Variants in MAST4 observed in about 807,000 individuals in gnomAD.
The protein encoded by MAST4 is microtubule associated serine/threonine kinase family member 4.
In MAST4, 89 loss-of-function variants were observed where a neutral mutation model predicts 162.7. That is an observed-to-expected ratio of 0.55 (90% CI 0.46 to 0.65). MAST4 has a LOEUF of 0.65. MAST4 is among the 30% of genes least tolerant of loss of function. The pLI, the probability that MAST4 is intolerant of heterozygous loss-of-function variation, is 0.00. For synonymous variants in MAST4, 1,479 were observed against 1,361.1 expected, an observed-to-expected ratio of 1.09 and a Z score of -1.91; for missense variants, 3,153 against 3,374.0, an observed-to-expected ratio of 0.93 and a Z score of 1.62.
At chr5:66,984,980 T>A (rs1273987806) in intron 4 of MAST4, among the ~76,000 whole-genome samples, 2 of 152,226 alleles carry the variant, frequency 1.3e-5, no homozygotes, top group East Asian at 3.9e-4. Flanking sequence ...TAAGGAGAAG[T>A]TAGGTCTGGA....
intron 4 of MAST4, among the ~76,000 whole-genome samples, chr5:66,928,852 A>G (rs1765094328): frequency 6.6e-6 from 1 of 152,214 alleles, no homozygotes; most frequent in Non-Finnish European, 1.5e-5. Flanking sequence ...TTGCCCGCTC[A>G]GTAGTGGTGT....
chr5:66,962,880 T>C (rs1746185373), intron 4 of MAST4, among the ~76,000 whole-genome samples: 1 of 152,176 alleles, frequency 6.6e-6, no homozygotes, highest in Non-Finnish European at 1.5e-5. Flanking sequence ...ACTCCATGCT[T>C]TAATAGATCT....
At chr5:66,972,191 A>G (rs1244769815) in intron 4 of MAST4, among the ~76,000 whole-genome samples, 1 of 152,172 alleles carries the variant, frequency 6.6e-6, no homozygotes. Context: ...CCTTTGTATC[A>G]AGGATGTTGC....
chr5:66,649,293 C>T (rs137917895), intron 1 of MAST4, among the ~76,000 whole-genome samples: 2 of 152,262 alleles, frequency 1.3e-5, no homozygotes, highest in African/African-American at 2.4e-5. Context: ...ATGGATAAAG[C>T]ATCAAATGAG....
At chr5:67,089,235 C>T (rs1049621882) in intron 5 of MAST4, among the ~76,000 whole-genome samples, 1 of 152,226 alleles carries the variant, frequency 6.6e-6, no homozygotes, top group Non-Finnish European at 1.5e-5. Context: ...TCAGACAATT[C>T]CGCCAATCTA....
At chr5:66,787,442 T>C (rs958767074) in intron 2 of MAST4, among the ~76,000 whole-genome samples, 6 of 152,242 alleles carry the variant, frequency 3.9e-5, no homozygotes, top group African/African-American at 1.2e-4. Context: ...TTGACTTAAA[T>C]AAAGCAGTGG....
At chr5:66,847,506 C>T (rs746157543) in intron 3 of MAST4, among the ~76,000 whole-genome samples, 7 of 152,074 alleles carry the variant, frequency 4.6e-5, no homozygotes, top group Admixed American at 2.0e-4. Context: ...TGGTAGTGGA[C>T]GCCTGTAATT....
At chr5:66,727,131 A>T (rs1292921389) in intron 1 of MAST4, among the ~76,000 whole-genome samples, 2 of 151,060 alleles carry the variant, frequency 1.3e-5, no homozygotes, top group African/African-American at 2.5e-5. Context: ...GATGAAGATG[A>T]AGAAGAGTCA....
intron 1 of MAST4, among the ~76,000 whole-genome samples, chr5:66,673,617 C>A (rs557199245): frequency 1.3e-5 from 2 of 150,874 alleles, no homozygotes; most frequent in African/African-American, 4.9e-5. Context: ...ACTTCCACCT[C>A]CTGAGTAGGT....
intron 4 of MAST4, among the ~76,000 whole-genome samples, chr5:67,035,813 C>T (rs969762480): frequency 3.9e-5 from 6 of 152,190 alleles, no homozygotes; most frequent in African/African-American, 1.2e-4. Context: ...TTTTGTTACT[C>T]ACATGGTTAG....
intron 3 of MAST4, among the ~76,000 whole-genome samples, chr5:66,791,869 AGAG>A (rs1163745680): frequency 1.3e-5 from 2 of 152,162 alleles, no homozygotes; most frequent in Non-Finnish European, 2.9e-5. Flanking sequence ...CAGCCAGAGG[AGAG>A]CTGCCAGACA....
chr5:66,960,014 G>A (rs1017722844), intron 4 of MAST4, among the ~76,000 whole-genome samples: 1 of 152,236 alleles, frequency 6.6e-6, no homozygotes, highest in Non-Finnish European at 1.5e-5. Flanking sequence ...AGTCAAAGAT[G>A]CAGAAGCTGT....
chr5:67,112,478 C>A (rs1259824917), intron 11 of MAST4, among the ~76,000 whole-genome samples: 1 of 152,180 alleles, frequency 6.6e-6, no homozygotes, highest in Non-Finnish European at 1.5e-5. Flanking sequence ...GTCGCAAGCT[C>A]CATATGGTTT....
At chr5:66,917,461 T>C (rs1478064326) in intron 4 of MAST4, 1 of 155,740 alleles carries the variant, frequency 6.4e-6, no homozygotes, top group African/African-American at 2.4e-5. Context: ...TTCTGAATTA[T>C]TTGTTTTGCT....
chr5:66,948,629 A>G (rs1433270251), intron 4 of MAST4, among the ~76,000 whole-genome samples: 1 of 152,078 alleles, frequency 6.6e-6, no homozygotes, highest in African/African-American at 2.4e-5. Flanking sequence ...TTAAAATGCC[A>G]TCTGTGTCCA....
chr5:66,737,204 G>C (rs562030507), intron 1 of MAST4, among the ~76,000 whole-genome samples: 6 of 152,152 alleles, frequency 3.9e-5, no homozygotes, highest in African/African-American at 1.4e-4. Context: ...CTGATGGTTT[G>C]ACTGGGGCTG....
intron 1 of MAST4, among the ~76,000 whole-genome samples, chr5:66,709,972 A>G (rs1297550402): frequency 1.3e-5 from 2 of 152,204 alleles, no homozygotes; most frequent in Non-Finnish European, 2.9e-5. Context: ...AGTGTTTTCT[A>G]GTGGCCCATC....
chr5:66,767,516 C>T (rs1460477616), intron 2 of MAST4, among the ~76,000 whole-genome samples: 2 of 152,002 alleles, frequency 1.3e-5, no homozygotes, highest in Non-Finnish European at 2.9e-5. Context: ...AGGAAAGTCT[C>T]ATTGGATGGG....
intron 26 of MAST4, among the ~76,000 whole-genome samples, chr5:67,158,493 C>T (rs1772809585): frequency 1.3e-5 from 2 of 151,922 alleles, no homozygotes; most frequent in South Asian, 4.2e-4. Context: ...ATTGCTTGAG[C>T]CCAGGAGTTC....
Sources: gnomAD v4.1 joint callset for allele counts (sites outside exome capture counted in the v4.1 genomes callset) on GRCh38, gnomAD v4.1.1 for gene constraint, MANE v1.5 for transcripts, NCBI Gene and HGNC (gene_info 2026-07-23, HGNC 2026-07-21) for gene names.